The following CFAP99 variants were observed in gnomAD, a reference collection of about 807,000 sequenced individuals.
The protein encoded by CFAP99 is cilia- and flagella-associated protein 99.
Under a neutral mutation model 82.7 loss-of-function variants are expected in CFAP99, and 84 were observed. The observed-to-expected ratio is 1.02, with a 90% CI of 0.85 to 1.22. The LOEUF is 1.22. CFAP99 is among the 50% of genes most tolerant of loss of function. The pLI, the probability that CFAP99 is intolerant of heterozygous loss-of-function variation, is 0.00. For missense variants in CFAP99, 1,059 were observed against 983.5 expected (o/e 1.08, Z -1.03); for synonymous variants, 456 against 429.5 (o/e 1.06, Z -0.76).
Position 2,462,888 on chromosome 4 carries a change from T to C in CFAP99, c.2107T>C (p.Ser703Pro), listed in dbSNP as rs2108739805. The C allele has an allele frequency of 7.3e-7, 1 of 1,366,366 alleles. No individual in the cohort carries two copies. Among genetic ancestry groups the C allele is most frequent in the Non-Finnish European group, 9.4e-7 (1 of 1,060,890 alleles). 84.6% of individuals were successfully genotyped at this position (1,366,366 alleles called of 1,614,324 possible). ...GCTGCAGGCGCTGCAGCAGGGAGGC[T>C]CAGGACCCGGGCCCGCGCGCCGCCT... Residue 703 changes from serine to proline, a missense_variant, in exon 15 of 15, where the codon TCA (serine) becomes CCA (proline). Coordinates refer to ENST00000635017, the Ensembl canonical transcript of CFAP99. This position sits in a 1 kb window ranked among gnomAD's most constrained non-coding sequence, Gnocchi z 4.1.
chr4:2,450,861 G>A, intron 8 of CFAP99, 86 bp from the exon 9 acceptor site: 2 of 1,172,100 alleles, frequency 1.7e-6, no homozygotes, highest in African/African-American at 1.5e-5. Context: ...TCCCCAGGGT[G>A]CTGGGCCAGC....
intron 4 of CFAP99, among the ~76,000 whole-genome samples, chr4:2,439,338 G>T (rs1452399002): frequency 6.6e-6 from 1 of 152,154 alleles, no homozygotes; most frequent in African/African-American, 2.4e-5. Flanking sequence ...TGCATGGAGG[G>T]GACAGTTTCC....
At chr4:2,441,081 T>A (rs923556017) in intron 4 of CFAP99, among the ~76,000 whole-genome samples, 7 of 148,826 alleles carry the variant, frequency 4.7e-5, no homozygotes, top group South Asian at 2.1e-4. Flanking sequence ...AATAATAATA[T>A]AATAATAATA....
chr4:2,422,640 G>A (rs1733607865), intron 1 of CFAP99, among the ~76,000 whole-genome samples: 1 of 152,066 alleles, frequency 6.6e-6, no homozygotes, highest in African/African-American at 2.4e-5. Context: ...CGCAAGAAGG[G>A]GCCCTTTTCC....
intron 11 of CFAP99, among the ~76,000 whole-genome samples, chr4:2,457,617 ATC>A (rs1312502104): frequency 1.3e-5 from 2 of 152,164 alleles, no homozygotes; most frequent in African/African-American, 4.8e-5. Context: ...CCTCAGGCTG[ATC>A]TCTCTGCTGC....
intron 1 of CFAP99, 128 bp from the exon 2 acceptor site, chr4:2,426,331 C>T (rs1206864589): frequency 3.1e-6 from 2 of 652,606 alleles, no homozygotes; most frequent in Non-Finnish European, 5.5e-6. Context: ...CTAGCCAGGG[C>T]CCCCAGTCAC....
chr4:2,420,184 T>A (rs11721696), intron 1 of CFAP99, among the ~76,000 whole-genome samples: 25,267 of 151,548 alleles, frequency 0.17, 2,335 homozygotes, highest in African/African-American at 0.25. Flanking sequence ...CTCTCAACAC[T>A]GGAGACCCTG....
intron 2 of CFAP99, among the ~76,000 whole-genome samples, chr4:2,435,650 A>T (rs1733891059): frequency 6.6e-6 from 1 of 152,186 alleles, no homozygotes; most frequent in African/African-American, 2.4e-5. Flanking sequence ...GAGGCTGGAC[A>T]CAATGGCTCA....
intron 2 of CFAP99, among the ~76,000 whole-genome samples, chr4:2,429,833 C>T (rs929332150): frequency 6.6e-6 from 1 of 152,148 alleles, no homozygotes; most frequent in Non-Finnish European, 1.5e-5. Context: ...CCTTGTGATC[C>T]GCCCGCCTCG....
At position 2,446,521 on chromosome 4, in the gene CFAP99, T is replaced by C. The variant is rs563972094; in HGVS notation, c.642+1213T>C. ...GATTCTCCTGCCTCAGCCCCCCGAGTAGCTGGGATTACAGGTACCGGCCAC... is the reference window on the plus strand; with the variant it reads ...GATTCTCCTGCCTCAGCCCCCCGAGCAGCTGGGATTACAGGTACCGGCCAC... On this transcript the variant is annotated intron_variant, in intron 6 of 14. Coordinates refer to ENST00000635017, the Ensembl canonical transcript of CFAP99. This position sits in a 1 kb window ranked among gnomAD's most constrained non-coding sequence, Gnocchi z 5.0. 8.2e-4 allele frequency among the ~76,000 whole-genome samples: 125 copies of C among 152,174 alleles called. No individual in the cohort carries two copies. The highest frequency in any genetic ancestry group is 2.9e-3 in the African/African-American group (122 of 41,520).
chr4:2,431,331 G>T (rs1203772), intron 2 of CFAP99, among the ~76,000 whole-genome samples: 107,699 of 150,940 alleles, frequency 0.71, 39,051 homozygotes, highest in East Asian at 0.99. Context: ...ATCGCACCAC[G>T]GCACTCAAGC....
intron 10 of CFAP99, 127 bp downstream of exon 10, chr4:2,451,479 T>G: frequency 1.2e-6 from 1 of 806,712 alleles, no homozygotes; most frequent in Non-Finnish European, 2.0e-6. Context: ...CAGGCTGTGG[T>G]CCTGCAGCAA....
At chr4:2,436,797 G>T in intron 2 of CFAP99, 77 bp from the exon 3 acceptor site, 36 of 1,192,046 alleles carry the variant, frequency 3.0e-5, no homozygotes, top group Middle Eastern at 2.6e-4. Flanking sequence ...CCCTGCCTTT[G>T]CCCAAGTGTC....
intron 11 of CFAP99, among the ~76,000 whole-genome samples, chr4:2,453,387 CAA>C (rs775913430): frequency 7.9e-5 from 12 of 152,238 alleles, no homozygotes; most frequent in Non-Finnish European, 1.6e-4. Flanking sequence ...GATGTCACAC[CAA>C]AGAGTAACTG....
intron 11 of CFAP99, among the ~76,000 whole-genome samples, chr4:2,453,982 T>A (rs1203503586): frequency 6.6e-6 from 1 of 151,132 alleles, no homozygotes; most frequent in Non-Finnish European, 1.5e-5. Context: ...CATGGCTAAT[T>A]TTTGTTTTTT....
rs1028924552 is a variant in CFAP99 at position 2,448,183 on chromosome 4, G to T, written c.643-1487G>T. Among the ~76,000 whole-genome samples the T allele has an allele frequency of 2.6e-5, 4 of 152,196 alleles. No individual in the cohort carries two copies. The highest frequency in any genetic ancestry group is 9.7e-5 in the African/African-American group (4 of 41,430). Reference sequence around the variant, plus strand: ...CTTGTTGCTGAGCAACCCCACAGTTGCCCCATCTGTATAATCTTCAGCATT... The same window carrying T: ...CTTGTTGCTGAGCAACCCCACAGTTTCCCCATCTGTATAATCTTCAGCATT... On this transcript the variant is annotated intron_variant, in intron 6 of 14. Coordinates refer to ENST00000635017, the Ensembl canonical transcript of CFAP99. The surrounding 1 kb of genome is among the most constrained non-coding windows in gnomAD (Gnocchi z 5.2).
At chr4:2,459,732 T>C (rs930834230) in intron 13 of CFAP99, among the ~76,000 whole-genome samples, 2 of 152,170 alleles carry the variant, frequency 1.3e-5, no homozygotes, top group African/African-American at 4.8e-5. Flanking sequence ...CCCGAGGCCA[T>C]GGGGAGTGCA....
At chr4:2,428,931 C>G (rs1733742805) in intron 2 of CFAP99, 1 of 152,350 alleles carries the variant, frequency 6.6e-6, no homozygotes, top group Non-Finnish European at 1.5e-5. Flanking sequence ...TGACCTCCCC[C>G]AGAGCTGCTG....
chr4:2,459,362 T>C (rs994122659), intron 13 of CFAP99, 104 bp downstream of exon 13: 1 of 1,312,984 alleles, frequency 7.6e-7, no homozygotes, highest in African/African-American at 1.5e-5. Context: ...AGGTGGGTCT[T>C]GCACCACCTG....
Sources: gnomAD v4.1 joint callset for allele counts (sites outside exome capture counted in the v4.1 genomes callset) on GRCh38, gnomAD v4.1.1 for gene constraint, Gnocchi (gnomAD v3.1) non-coding constraint, MANE v1.5 for transcripts, NCBI Gene and HGNC (gene_info 2026-07-23, HGNC 2026-07-21) for gene names.